Variants in ARSG observed in about 807,000 individuals in gnomAD.
ARSG encodes the protein arylsulfatase G.
In ARSG, 37 loss-of-function variants were observed where a neutral mutation model predicts 50.5. The ratio of observed to expected loss-of-function variants is 0.73; its 90% CI spans 0.56 to 0.96. ARSG has a LOEUF of 0.96. Ranked by LOEUF, ARSG falls within the 50% of genes least tolerant of loss-of-function variation. ARSG has a pLI of 0.00. For synonymous variants in ARSG, 225 were observed against 254.6 expected, an observed-to-expected ratio of 0.88 and a Z score of 1.11; for missense variants, 629 against 675.3, an observed-to-expected ratio of 0.93 and a Z score of 0.76.
Position 68,420,294 on chromosome 17 carries a change from GAGGTGGTGCGGAGTACC to G in ARSG, c.1413_1429del (p.Gly472CysfsTer37), listed in dbSNP as rs1363782614. ...ACCGCAGAAGCTGTGCCCCTAGAAA[GAGGTGGTGCGGAGTACC>G]AGGCTGTGCTGCCCGAGGTCAGAAA... is the stretch of plus-strand genomic sequence containing the variant. On this transcript the variant is annotated frameshift_variant, in exon 12 of 12. Transcript: ENST00000621439. LOFTEE classifies it low-confidence loss of function (END_TRUNC). 1.2e-6 allele frequency: 2 copies of G among 1,614,030 alleles called. No individual in the cohort carries two copies. The highest frequency in any genetic ancestry group is 2.2e-5 in the East Asian group (1 of 44,884).
chr17:68,270,167 A>G (rs1440787031), intron 1 of ARSG, among the ~76,000 whole-genome samples: 2 of 152,190 alleles, frequency 1.3e-5, no homozygotes, highest in African/African-American at 2.4e-5. Context: ...GACTTACAGA[A>G]GTCCATTAGT....
At chr17:68,366,962 G>T (rs192015208) in intron 6 of ARSG, among the ~76,000 whole-genome samples, 1 of 152,160 alleles carries the variant, frequency 6.6e-6, no homozygotes, top group East Asian at 1.9e-4. Flanking sequence ...ACTATTATGG[G>T]TACCTCACAC....
chr17:68,336,740 G>A (rs1032578926), intron 2 of ARSG, among the ~76,000 whole-genome samples: 4 of 151,984 alleles, frequency 2.6e-5, no homozygotes, highest in African/African-American at 9.7e-5. Flanking sequence ...ATAATCTTAG[G>A]TACTCAGGAG....
intron 5 of ARSG, among the ~76,000 whole-genome samples, chr17:68,355,028 T>C (rs762738625): frequency 3.3e-5 from 5 of 152,232 alleles, no homozygotes; most frequent in Non-Finnish European, 7.3e-5. Flanking sequence ...CGTATTTGCC[T>C]GAGAGAACTC....
At chr17:68,354,154 G>A (rs1217359008) in intron 5 of ARSG, among the ~76,000 whole-genome samples, 2 of 151,018 alleles carry the variant, frequency 1.3e-5, no homozygotes, top group African/African-American at 4.9e-5. Context: ...GGTGCAGTGG[G>A]TCACTCCTGT....
chr17:68,434,428 G>A, the ARSG span: 17 of 857,262 alleles, frequency 2.0e-5, no homozygotes, highest in Admixed American at 2.9e-5. Context: ...ACCTGGGAGA[G>A]TAGTTACACT....
chr17:68,331,241 C>CTTTCTTTT (rs2077749685), intron 2 of ARSG, among the ~76,000 whole-genome samples: 1 of 82,546 alleles, frequency 1.2e-5, no homozygotes, highest in African/African-American at 4.4e-5. Context: ...TTGTTTCTTT[C>CTTTCTTTT]TTTCTTTCTT....
chr17:68,370,647 A>T, intron 8 of ARSG, 123 bp downstream of exon 8: 1 of 836,764 alleles, frequency 1.2e-6, no homozygotes, highest in Non-Finnish European at 1.9e-6. Flanking sequence ...ATTGTGAAAC[A>T]GGGACACATT....
intron 6 of ARSG, among the ~76,000 whole-genome samples, chr17:68,357,095 G>T (rs1044186230): frequency 2.6e-5 from 4 of 152,138 alleles, no homozygotes; most frequent in African/African-American, 9.7e-5. Flanking sequence ...TCCTTCTAGG[G>T]TACGAGCTCC....
Position 68,307,585 on chromosome 17 carries a change from CAA to C in ARSG, c.93_94del (p.Gly33ThrfsTer12), listed in dbSNP as rs782307029. On this transcript the variant is annotated frameshift_variant, in exon 2 of 12. Transcript: ENST00000621439. LOFTEE classifies it high-confidence loss of function. ...GTGGATTTTTGCATCAGTGGGAAAA[CAA>C]GAGGACAGAAGCCAAACTTTGTGAT... The C allele has an allele frequency of 5.0e-6, 8 of 1,614,032 alleles. No individual in the cohort carries two copies. The highest frequency in any genetic ancestry group is 4.5e-5 in the East Asian group (2 of 44,882).
intron 2 of ARSG, among the ~76,000 whole-genome samples, chr17:68,327,543 C>T (rs554838111): frequency 2.3e-4 from 35 of 152,212 alleles, no homozygotes; most frequent in Non-Finnish European, 4.6e-4. Context: ...TCTGTGTCTT[C>T]GCAGCATTCT....
At chr17:68,318,386 T>C (rs781849696) in intron 2 of ARSG, among the ~76,000 whole-genome samples, 7 of 152,238 alleles carry the variant, frequency 4.6e-5, no homozygotes, top group Admixed American at 2.0e-4. Flanking sequence ...ACATTATTTC[T>C]TGAAAATTCT....
chr17:68,308,882 AG>A (rs2076721783), intron 2 of ARSG, among the ~76,000 whole-genome samples: 2 of 152,260 alleles, frequency 1.3e-5, no homozygotes, highest in Admixed American at 6.5e-5. Flanking sequence ...CTGCAGGTGG[AG>A]CTGCCTGCCA....
intron 2 of ARSG, among the ~76,000 whole-genome samples, chr17:68,333,244 C>T (rs538629950): frequency 3.3e-5 from 5 of 152,300 alleles, no homozygotes; most frequent in East Asian, 1.9e-4. Context: ...ATGGCGTGAA[C>T]GTGGGAGGCA....
chr17:68,337,552 G>A (rs745442132), intron 2 of ARSG, among the ~76,000 whole-genome samples: 2 of 152,162 alleles, frequency 1.3e-5, no homozygotes, highest in Non-Finnish European at 2.9e-5. Flanking sequence ...CTGTCTGGAT[G>A]ATCATGACCC....
At chr17:68,359,957 C>G (rs2079203953) in intron 6 of ARSG, among the ~76,000 whole-genome samples, 1 of 152,326 alleles carries the variant, frequency 6.6e-6, no homozygotes, top group East Asian at 1.9e-4. Context: ...TTTCGGGCCC[C>G]TGTGCCCCAT....
At chr17:68,314,224 A>C (rs2076981256) in intron 2 of ARSG, among the ~76,000 whole-genome samples, 1 of 151,706 alleles carries the variant, frequency 6.6e-6, no homozygotes, top group South Asian at 2.1e-4. Flanking sequence ...GGATGTTGTG[A>C]GGGTTAAATT....
At chr17:68,402,118 T>G (rs973629696) in intron 11 of ARSG, among the ~76,000 whole-genome samples, 1 of 152,240 alleles carries the variant, frequency 6.6e-6, no homozygotes, top group African/African-American at 2.4e-5. Context: ...TAAAACTCTC[T>G]TATCTTCCCA....
intron 2 of ARSG, among the ~76,000 whole-genome samples, chr17:68,308,675 C>T (rs1296802479): frequency 6.6e-6 from 1 of 152,190 alleles, no homozygotes; most frequent in Non-Finnish European, 1.5e-5. Flanking sequence ...TTATCTGGCC[C>T]CACCCACATC....
Sources: gnomAD v4.1 joint callset for allele counts (sites outside exome capture counted in the v4.1 genomes callset) on GRCh38, gnomAD v4.1.1 for gene constraint, MANE v1.5 for transcripts, NCBI Gene and HGNC (gene_info 2026-07-23, HGNC 2026-07-21) for gene names.